Variants in VPS13D observed in about 807,000 individuals in gnomAD.
VPS13D encodes the protein intermembrane lipid transfer protein VPS13D.
In VPS13D, 187 loss-of-function variants were observed where a neutral mutation model predicts 461.9. The observed-to-expected ratio is 0.40, with a 90% confidence interval of 0.36 to 0.46. The LOEUF is 0.46. Among genes scored for constraint, VPS13D ranks in the 20% least tolerant of loss-of-function variants. The pLI is 0.60. For missense variants in VPS13D, 4,711 were observed against 5,364.9 expected (o/e 0.88, Z 3.81); for synonymous variants, 1,951 against 1,986.3 (o/e 0.98, Z 0.47).
intron 36 of VPS13D, among the ~76,000 whole-genome samples, chr1:12,328,960 T>G (rs1318071596): frequency 6.6e-6 from 1 of 152,232 alleles, no homozygotes; most frequent in Non-Finnish European, 1.5e-5. Context: ...GGGGCTTGAA[T>G]CTGGCCTCTT....
intron 9 of VPS13D, 33 bp downstream of exon 9, chr1:12,257,120 T>C: frequency 6.4e-7 from 1 of 1,568,432 alleles, no homozygotes; most frequent in Non-Finnish European, 8.8e-7. Flanking sequence ...ATGAAATTCA[T>C]GTTAGAGCCT....
At chr1:12,405,558 C>G (rs1007134771) in intron 63 of VPS13D, among the ~76,000 whole-genome samples, 2 of 152,132 alleles carry the variant, frequency 1.3e-5, no homozygotes, top group Admixed American at 1.3e-4. Flanking sequence ...GCTCTTGCAG[C>G]CATCTCTGGA....
At chr1:12,238,285 G>T (rs1003192752) in intron 2 of VPS13D, among the ~76,000 whole-genome samples, 1 of 126,746 alleles carries the variant, frequency 7.9e-6, no homozygotes, top group African/African-American at 3.2e-5. Context: ...ACATATATAT[G>T]TATACATACA....
At chr1:12,428,836 G>C (rs1644957425) in intron 65 of VPS13D, among the ~76,000 whole-genome samples, 1 of 152,244 alleles carries the variant, frequency 6.6e-6, no homozygotes, top group South Asian at 2.1e-4. Context: ...GGAAGACTTA[G>C]AAAATGTTTT....
chr1:12,329,774 G>T, intron 36 of VPS13D, 55 bp from the exon 37 acceptor site: 1 of 1,371,736 alleles, frequency 7.3e-7, no homozygotes. Context: ...ATCAGCAAAA[G>T]GCAGTTTTGG....
At chr1:12,382,188 G>A (rs1433379060) in intron 57 of VPS13D, among the ~76,000 whole-genome samples, 4 of 151,474 alleles carry the variant, frequency 2.6e-5, no homozygotes, top group Non-Finnish European at 4.4e-5. Context: ...TGCAACCTCC[G>A]CCTCCCGGGC....
Position 12,505,685 on chromosome 1 carries a change from G to A in VPS13D, c.12795-1168G>A, listed in dbSNP as rs1646095671. Reference sequence around the variant, plus strand: ...ATGAGTTTGTGCTTGGCCATGCTTTGGGGGCCATCACAATTAAATGCTCAA... The same window carrying A: ...ATGAGTTTGTGCTTGGCCATGCTTTAGGGGCCATCACAATTAAATGCTCAA... On this transcript the variant is annotated intron_variant, in intron 68 of 69. Transcript: ENST00000620676. The surrounding 1 kb of genome is among the most constrained non-coding windows in gnomAD (Gnocchi z 4.2). Among the ~76,000 whole-genome samples, 13 of 152,214 alleles carry A rather than the reference G, an allele frequency of 8.5e-5. No individual in the cohort carries two copies. The highest frequency in any genetic ancestry group is 8.5e-4 in the Admixed American group (13 of 15,284).
At chr1:12,481,831 C>G (rs1645721803) in intron 67 of VPS13D, among the ~76,000 whole-genome samples, 1 of 152,202 alleles carries the variant, frequency 6.6e-6, no homozygotes, top group African/African-American at 2.4e-5. Context: ...TGTTCTCTCT[C>G]CCTATATTGG....
At position 12,348,899 on chromosome 1, in the gene VPS13D, G is replaced by A. The variant is rs370041638; in HGVS notation, c.9146G>A (p.Arg3049Gln). ...EGSARKVITV[R>Q]SALIVRNRLE... is the part of the protein sequence containing the mutation. ...AGTGCACGGAAAGTCATCACTGTCC[G>A]GTCAGCCCTCATTGTGAGGAACAGA... The change falls in exon 45 of 70, where the codon CGG (arginine) becomes CAG (glutamine). Residue 3049 changes from arginine to glutamine, a missense_variant. This residue lies in a region of VPS13D where 4,411 missense variants were observed against 4,937.8 expected (regional missense o/e 0.89). Transcript: ENST00000620676. 45 of 1,614,016 alleles carry A rather than the reference G, an allele frequency of 2.8e-5. No homozygotes were observed. The highest frequency in any genetic ancestry group is 6.7e-5 in the African/African-American group (5 of 74,908).
chr1:12,453,443 G>A (rs1437650742), intron 65 of VPS13D, among the ~76,000 whole-genome samples: 1 of 152,074 alleles, frequency 6.6e-6, no homozygotes, highest in Non-Finnish European at 1.5e-5. Context: ...ATTGGCTGCG[G>A]TGCTCCTGGG....
At chr1:12,298,992 G>T (rs1221637074) in intron 24 of VPS13D, among the ~76,000 whole-genome samples, 1 of 152,110 alleles carries the variant, frequency 6.6e-6, no homozygotes, top group Non-Finnish European at 1.5e-5. Context: ...GGGTTATTTA[G>T]AAGTGTGTAG....
chr1:12,352,809 C>G (rs1242545870), intron 46 of VPS13D, among the ~76,000 whole-genome samples: 2 of 151,660 alleles, frequency 1.3e-5, no homozygotes, highest in African/African-American at 4.8e-5. Context: ...ACTAAAAATA[C>G]AACAAATTAG....
At position 12,287,646 on chromosome 1, in the gene VPS13D, A is replaced by G. The variant is rs1042966613; in HGVS notation, c.5635-577A>G. ...TAAGATCTTTTTAATAGTTACAATT[A>G]CAATATTGCATTATGAAATTTATTT... is the stretch of plus-strand genomic sequence containing the variant. On this transcript the variant is annotated intron_variant, in intron 21 of 69. Transcript: ENST00000620676. 2.5e-4 allele frequency among the ~76,000 whole-genome samples: 38 copies of G among 152,230 alleles called. 1 individual carries two copies. The highest frequency in any genetic ancestry group is 2.2e-3 in the Admixed American group (33 of 15,288).
chr1:12,443,136 T>A (rs985751697), intron 65 of VPS13D, among the ~76,000 whole-genome samples: 3 of 152,246 alleles, frequency 2.0e-5, no homozygotes, highest in Non-Finnish European at 4.4e-5. Context: ...TTCACTGTCC[T>A]GAATATTGTT....
intron 2 of VPS13D, among the ~76,000 whole-genome samples, chr1:12,241,269 C>A (rs1022274060): frequency 1.3e-5 from 2 of 152,130 alleles, no homozygotes; most frequent in African/African-American, 4.8e-5. Flanking sequence ...AGCCAGTAAC[C>A]CACAAGTCCT....
intron 30 of VPS13D, among the ~76,000 whole-genome samples, 194 bp from the exon 31 acceptor site, chr1:12,317,878 A>G (rs546214469): frequency 1.5e-3 from 234 of 152,356 alleles, no homozygotes; most frequent in Non-Finnish European, 2.4e-3. Context: ...AACTTATTAT[A>G]CTGAATGTGT....
intron 23 of VPS13D, 51 bp downstream of exon 23, chr1:12,291,175 G>A: frequency 6.3e-7 from 1 of 1,576,196 alleles, no homozygotes; most frequent in Admixed American, 1.8e-5. Flanking sequence ...AATACTTGCT[G>A]TTTCAGATTC....
intron 21 of VPS13D, among the ~76,000 whole-genome samples, chr1:12,287,899 A>G (rs1470013878): frequency 6.6e-6 from 1 of 152,202 alleles, no homozygotes; most frequent in East Asian, 1.9e-4. Flanking sequence ...TTGAGTTACT[A>G]TAGAATTGTA....
At chr1:12,251,225 C>A (rs1054924312) in intron 6 of VPS13D, among the ~76,000 whole-genome samples, 6 of 152,224 alleles carry the variant, frequency 3.9e-5, no homozygotes, top group African/African-American at 1.4e-4. Flanking sequence ...CATCCCTGCT[C>A]CTCACCCTGT....
Sources: allele counts gnomAD v4.1 joint callset (sites outside exome capture counted in the v4.1 genomes callset), GRCh38; gene constraint gnomAD v4.1.1; regional missense constraint gnomAD v4.1.1; non-coding constraint Gnocchi (gnomAD v3.1); transcripts MANE v1.5; gene names NCBI Gene and HGNC (gene_info 2026-07-23, HGNC 2026-07-21).